B4GALT1: variants seen among roughly 807,000 people sequenced by gnomAD.
B4GALT1 encodes beta-1,4-galactosyltransferase 1.
Under a neutral mutation model 34.9 loss-of-function variants are expected in B4GALT1, and 16 were observed. The ratio of observed to expected loss-of-function variants is 0.46; its 90% CI spans 0.31 to 0.70. The LOEUF is 0.70. Among genes scored for constraint, B4GALT1 ranks in the 30% least tolerant of loss-of-function variants. The pLI, the probability that B4GALT1 is intolerant of heterozygous loss-of-function variation, is 0.05. For synonymous variants in B4GALT1, 221 were observed against 218.1 expected (o/e 1.01, Z -0.12); for missense variants, 445 against 530.5 (o/e 0.84, Z 1.58).
At chr9:33,138,020 CAT>C (rs1840295458) in intron 1 of B4GALT1, among the ~76,000 whole-genome samples, 1 of 152,260 alleles carries the variant, frequency 6.6e-6, no homozygotes, top group East Asian at 1.9e-4. Context: ...TGCTGCTAAA[CAT>C]AACCGCGTTT....
intron 1 of B4GALT1, among the ~76,000 whole-genome samples, chr9:33,165,031 G>A (rs1443966769): frequency 2.8e-5 from 4 of 144,162 alleles, no homozygotes; most frequent in Non-Finnish European, 6.0e-5. Flanking sequence ...GGAGTGTACT[G>A]GCACAATCTT....
chr9:33,144,805 T>C (rs1840401692), intron 1 of B4GALT1, among the ~76,000 whole-genome samples: 1 of 152,136 alleles, frequency 6.6e-6, no homozygotes, highest in African/African-American at 2.4e-5. Flanking sequence ...TCCCTTAGAA[T>C]CTTGACGGCA....
rs769202047 is a variant in B4GALT1, at chr9:33,166,811, G to A, written c.359C>T (p.Pro120Leu). 6.5e-7 allele frequency: 1 copy of A among 1,545,136 alleles called. No individual in the cohort carries two copies. The highest frequency in any genetic ancestry group is 2.3e-5 in the East Asian group (1 of 44,048). ...PASNLTSVPV[P>L]HTTALSLPAC... ...GGGCAGCGACAGTGCGGTGGTGTGG[G>A]GCACTGGGACCGAGGTCAAGTTGCT... Residue 120 changes from proline to leucine, a missense_variant, in exon 1 of 6, where the codon CCC becomes CTC. This residue lies in a region of B4GALT1 where 349 missense variants were observed against 395.5 expected (regional missense o/e 0.88). Transcript: ENST00000379731.
intron 1 of B4GALT1, among the ~76,000 whole-genome samples, chr9:33,138,129 C>T (rs149484485): frequency 1.4e-3 from 214 of 152,348 alleles, no homozygotes; most frequent in African/African-American, 4.9e-3. Context: ...TGGCCTGGCT[C>T]GCTTCCGCGG....
chr9:33,181,970 T>A, the B4GALT1 span, among the ~76,000 whole-genome samples: 2 of 151,832 alleles, frequency 1.3e-5, no homozygotes, highest in Non-Finnish European at 2.9e-5. Flanking sequence ...TTCTTTTTTT[T>A]TTTTTTTAGA....
chr9:33,126,937 G>GT (rs915927723), intron 2 of B4GALT1, among the ~76,000 whole-genome samples: 1 of 151,280 alleles, frequency 6.6e-6, no homozygotes, highest in Non-Finnish European at 1.5e-5. Flanking sequence ...AGAAGAGACA[G>GT]TTTTTGTTTG....
At chr9:33,144,207 C>T (rs1299323021) in intron 1 of B4GALT1, among the ~76,000 whole-genome samples, 1 of 150,522 alleles carries the variant, frequency 6.6e-6, no homozygotes, top group East Asian at 2.0e-4. Context: ...TTCACTCTTC[C>T]TCTTAATTTT....
intron 3 of B4GALT1, among the ~76,000 whole-genome samples, chr9:33,119,306 T>C (rs2118047803): frequency 6.6e-6 from 1 of 152,352 alleles, no homozygotes; most frequent in Non-Finnish European, 1.5e-5. Context: ...CTTTGGATAA[T>C]ACGCTAGTCG....
upstream of B4GALT1, among the ~76,000 whole-genome samples, chr9:33,171,000 G>T (rs893914821): frequency 6.6e-6 from 1 of 152,234 alleles, no homozygotes; most frequent in Non-Finnish European, 1.5e-5. Flanking sequence ...TCTCCCTGCA[G>T]CTGGCCTTCC....
chr9:33,119,748 G>T (rs543650817), intron 3 of B4GALT1, among the ~76,000 whole-genome samples: 1 of 151,906 alleles, frequency 6.6e-6, no homozygotes, highest in South Asian at 2.1e-4. Flanking sequence ...AGGAACATCT[G>T]CTGAGGTATA....
chr9:33,114,345 A>T (rs1839909598), intron 4 of B4GALT1, among the ~76,000 whole-genome samples: 1 of 152,192 alleles, frequency 6.6e-6, no homozygotes, highest in East Asian at 1.9e-4. Context: ...CATGGAAGTG[A>T]GAGCAAGCCT....
At chr9:33,173,963 A>C in the B4GALT1 span, among the ~76,000 whole-genome samples, 1 of 152,258 alleles carries the variant, frequency 6.6e-6, no homozygotes, top group Non-Finnish European at 1.5e-5. Context: ...CTATGAGTCC[A>C]TAATGATATA....
chr9:33,113,744 G>C (rs776744004), intron 5 of B4GALT1, 30 bp downstream of exon 5: 1 of 1,612,646 alleles, frequency 6.2e-7, no homozygotes, highest in Non-Finnish European at 8.5e-7. Flanking sequence ...TCCTAAAGGG[G>C]GAAGGAGTAT....
At chr9:33,109,901 T>A (rs1329255906), downstream of B4GALT1, among the ~76,000 whole-genome samples, 1 of 152,092 alleles carries the variant, frequency 6.6e-6, no homozygotes, top group African/African-American at 2.4e-5. Flanking sequence ...AGAAACAGGT[T>A]TTTTTTTGTT....
At chr9:33,171,712 G>A (rs1414093741), upstream of B4GALT1, among the ~76,000 whole-genome samples, 2 of 152,036 alleles carry the variant, frequency 1.3e-5, no homozygotes, top group African/African-American at 2.4e-5. Context: ...GCGCCTCCAC[G>A]TCCAGCTAAT....
intron 1 of B4GALT1, among the ~76,000 whole-genome samples, chr9:33,157,848 T>C (rs988809461): frequency 6.6e-6 from 1 of 152,254 alleles, no homozygotes; most frequent in Non-Finnish European, 1.5e-5. Flanking sequence ...TCGTGGCTAC[T>C]ACCTGTATTT....
At chr9:33,108,237 GCAGGATTACTTAAGCC>G (rs1336957349), downstream of B4GALT1, among the ~76,000 whole-genome samples, 1 of 152,088 alleles carries the variant, frequency 6.6e-6, no homozygotes, top group Non-Finnish European at 1.5e-5. Flanking sequence ...AGAAACTGAG[GCAGGATTACTTAAGCC>G]CAGGAGTTTG....
chr9:33,164,329 C>T (rs987745510), intron 1 of B4GALT1, among the ~76,000 whole-genome samples: 2 of 152,214 alleles, frequency 1.3e-5, no homozygotes, highest in Non-Finnish European at 2.9e-5. Flanking sequence ...CACACACTCC[C>T]AAGGAGACTT....
At chr9:33,157,844 C>T (rs143231448) in intron 1 of B4GALT1, among the ~76,000 whole-genome samples, 206 of 152,250 alleles carry the variant, frequency 1.4e-3, no homozygotes, top group African/African-American at 4.7e-3. Context: ...CCTTTCGTGG[C>T]TACTACCTGT....
Sources: gnomAD v4.1 joint callset for allele counts (sites outside exome capture counted in the v4.1 genomes callset) on GRCh38, gnomAD v4.1.1 for gene constraint, gnomAD v4.1.1 regional missense constraint, MANE v1.5 for transcripts, NCBI Gene and HGNC (gene_info 2026-07-23, HGNC 2026-07-21) for gene names.